The following POU3F3 variants were observed in gnomAD, a reference collection of about 807,000 sequenced individuals.
POU3F3 encodes the protein POU class 3 homeobox 3, also known as POU domain, class 3, transcription factor 3.
POU3F3 carries 1 observed loss-of-function variant against 8.6 expected under a neutral mutation model. The ratio of observed to expected loss-of-function variants is 0.12; its 90% CI spans 0.04 to 0.55. The LOEUF is 0.55. Ranked by LOEUF, POU3F3 falls within the 20% of genes least tolerant of loss-of-function variation. POU3F3 has a pLI of 0.91. For synonymous variants in POU3F3, 418 were observed against 327.4 expected, an observed-to-expected ratio of 1.28 and a Z score of -2.99; for missense variants, 577 against 690.7, an observed-to-expected ratio of 0.84 and a Z score of 1.84.
chr2:104,902,956 G>A, the POU3F3 span, among the ~76,000 whole-genome samples: 2,806 of 152,260 alleles, frequency 0.018, 40 homozygotes, highest in Middle Eastern at 0.044. Flanking sequence ...GCGACACTCT[G>A]AGAGCTAAAA....
At chr2:104,917,433 T>C in the POU3F3 span, among the ~76,000 whole-genome samples, 291 of 152,280 alleles carry the variant, frequency 1.9e-3, 1 homozygote, top group African/African-American at 6.4e-3. Flanking sequence ...AATTGATTGA[T>C]ATGCTATAGA....
chr2:104,917,914 C>T, the POU3F3 span, among the ~76,000 whole-genome samples: 1 of 152,160 alleles, frequency 6.6e-6, no homozygotes, highest in South Asian at 2.1e-4. Context: ...ATATTATCCT[C>T]TTCCTTTCAG....
the POU3F3 span, among the ~76,000 whole-genome samples, chr2:104,870,313 G>A: frequency 7.2e-5 from 11 of 152,204 alleles, no homozygotes; most frequent in Admixed American, 5.9e-4. Context: ...AATGGGGAGG[G>A]GGGCTCATGG....
Position 104,856,226 on chromosome 2 carries a change from G to A in POU3F3, c.716G>A (p.Gly239Glu). Residue 239 changes from glycine (G) to glutamate (E), a missense_variant, in exon 1 of 1, where the codon GGG becomes GAG. By Grantham distance (98) the Gly-to-Glu change is moderately conservative (BLOSUM62 -2). This residue lies in a region of POU3F3 where 484 missense variants were observed against 422.6 expected (regional missense o/e 1.15). Transcript: ENST00000361360. ...TVNGMLSAPPGPGGGGGGAGG... is the reference protein window; with the variant it reads ...TVNGMLSAPPEPGGGGGGAGG... ...AACGGCATGCTGAGCGCGCCACCGG[G>A]GCCCGGCGGCGGCGGCGGCGGCGCG... 7.9e-7 allele frequency: 1 copy of A among 1,271,846 alleles called. No individual in the cohort carries two copies. The highest frequency in any genetic ancestry group is 9.8e-7 in the Non-Finnish European group (1 of 1,017,574). The allele number at this position is 1,271,846 out of a possible 1,614,324, so 78.8% of individuals were successfully genotyped here.
chr2:104,885,832 T>C, the POU3F3 span, among the ~76,000 whole-genome samples: 5 of 152,088 alleles, frequency 3.3e-5, no homozygotes, highest in African/African-American at 1.2e-4. Context: ...AGTCTCGCTG[T>C]TGTCCCCCAG....
chr2:104,883,026 G>A, the POU3F3 span, among the ~76,000 whole-genome samples: 2 of 152,218 alleles, frequency 1.3e-5, no homozygotes, highest in African/African-American at 4.8e-5. Flanking sequence ...TAGGTCCTAG[G>A]AGGAAAGTCA....
Position 104,856,998 on chromosome 2 carries a change from G to A in POU3F3, c.1488G>A (p.Gln496=), listed in dbSNP as rs777289770. 1.2e-6 allele frequency: 2 copies of A among 1,603,450 alleles called. No homozygotes were observed. Among genetic ancestry groups the A allele is most frequent in the Non-Finnish European group, 1.7e-6 (2 of 1,176,330 alleles). ...CGCCGCCGCCTCACCACGGGCTGCA[G>A]ACGAGCGTTCAGTGAAGCCAGGGCG... The part of the protein sequence containing the change: ...ADTPPPHHGL[Q]TSVQ Residue 496 remains glutamine (Q), a synonymous_variant, in exon 1 of 1, where the codon CAG becomes CAA. Transcript: ENST00000361360.
At chr2:104,860,841 C>T (rs1022395114), downstream of POU3F3, among the ~76,000 whole-genome samples, 2 of 132,974 alleles carry the variant, frequency 1.5e-5, no homozygotes, top group Admixed American at 9.0e-5. Context: ...TTGATCTTAG[C>T]GATTCCCTTT....
chr2:104,877,266 T>C, the POU3F3 span, among the ~76,000 whole-genome samples: 2 of 113,808 alleles, frequency 1.8e-5, no homozygotes, highest in East Asian at 3.8e-4. Context: ...CAATGGCTTA[T>C]TAAGTATAAG....
chr2:104,864,017 C>A, the POU3F3 span, among the ~76,000 whole-genome samples: 1 of 152,222 alleles, frequency 6.6e-6, no homozygotes, highest in African/African-American at 2.4e-5. Flanking sequence ...GCTTGGCCCA[C>A]GCCTCCGCTT....
the POU3F3 span, among the ~76,000 whole-genome samples, chr2:104,907,831 C>T: frequency 2.6e-5 from 4 of 152,138 alleles, no homozygotes; most frequent in East Asian, 7.7e-4. Flanking sequence ...GATAACGGGG[C>T]CCCTTGACTT....
the POU3F3 span, among the ~76,000 whole-genome samples, chr2:104,893,989 C>A: frequency 1.5e-4 from 23 of 152,160 alleles, no homozygotes; most frequent in African/African-American, 5.5e-4. Flanking sequence ...TATGTACACA[C>A]CATATTGTAT....
the POU3F3 span, among the ~76,000 whole-genome samples, chr2:104,905,550 TG>T: frequency 6.6e-6 from 1 of 152,246 alleles, no homozygotes. Flanking sequence ...ACAAACTGGG[TG>T]GTTTAAAACA....
chr2:104,854,762 G>A lies in POU3F3; in HGVS notation c.-749G>A, dbSNP rs774310504. ...GAGCCAGCCTCCCCTCTCCGCACTCGCGAGCAGCCAGCAGCACCACGCCTT... is the reference window on the plus strand; with the variant it reads ...GAGCCAGCCTCCCCTCTCCGCACTCACGAGCAGCCAGCAGCACCACGCCTT... On this transcript the variant is annotated 5_prime_UTR_variant, in exon 1 of 1. Coordinates refer to ENST00000361360, the MANE Select transcript of POU3F3 (RefSeq NM_006236.3). This position sits in a 1 kb window ranked among gnomAD's most constrained non-coding sequence, Gnocchi z 4.5. 2.0e-5 allele frequency among the ~76,000 whole-genome samples: 3 copies of A among 152,118 alleles called. No homozygotes were observed.
the POU3F3 span, among the ~76,000 whole-genome samples, chr2:104,891,942 G>A: frequency 6.5e-3 from 986 of 152,202 alleles, 16 homozygotes; most frequent in African/African-American, 0.022. Flanking sequence ...AGCCTAAAGC[G>A]CATTATGCTT....
At chr2:104,863,092 A>G (rs1676684954), downstream of POU3F3, among the ~76,000 whole-genome samples, 1 of 151,338 alleles carries the variant, frequency 6.6e-6, no homozygotes, top group Non-Finnish European at 1.5e-5. Context: ...CTTTTCATAA[A>G]CATGTCCACT....
chr2:104,917,903 T>G, the POU3F3 span, among the ~76,000 whole-genome samples: 17 of 152,290 alleles, frequency 1.1e-4, no homozygotes, highest in African/African-American at 4.1e-4. Flanking sequence ...GGAAGAAAGA[T>G]ATATTATCCT....
the POU3F3 span, among the ~76,000 whole-genome samples, chr2:104,888,109 G>T: frequency 1.3e-5 from 2 of 152,204 alleles, no homozygotes; most frequent in African/African-American, 4.8e-5. Context: ...TGCGCCTGTA[G>T]TAACAATGCT....
At chr2:104,882,397 G>A in the POU3F3 span, among the ~76,000 whole-genome samples, 22 of 151,842 alleles carry the variant, frequency 1.4e-4, no homozygotes, top group African/African-American at 3.4e-4. Flanking sequence ...GACTATAGGC[G>A]CCTGCCACCA....
Sources: gnomAD v4.1 joint callset for allele counts (sites outside exome capture counted in the v4.1 genomes callset) on GRCh38, gnomAD v4.1.1 for gene constraint, gnomAD v4.1.1 regional missense constraint, Gnocchi (gnomAD v3.1) non-coding constraint, MANE v1.5 for transcripts, NCBI Gene and HGNC (gene_info 2026-07-23, HGNC 2026-07-21) for gene names.